Variants in IL1RAPL2 observed in about 807,000 individuals in gnomAD.
IL1RAPL2 encodes the protein interleukin 1 receptor accessory protein like 2.
IL1RAPL2 carries 3 observed loss-of-function variants against 44.1 expected under a neutral mutation model. The observed-to-expected ratio is 0.07, with a 90% CI of 0.03 to 0.18. The LOEUF is 0.18. IL1RAPL2 is among the 10% of genes least tolerant of loss of function. The pLI, the probability that IL1RAPL2 is intolerant of heterozygous loss-of-function variation, is 1.00. For synonymous variants in IL1RAPL2, 181 were observed against 178.8 expected (o/e 1.01, Z -0.10); for missense variants, 391 against 496.4 (o/e 0.79, Z 2.02).
intron 2 of IL1RAPL2, among the ~76,000 whole-genome samples, chrX:105,004,431 C>CA (rs972160983): frequency 2.7e-5 from 3 of 109,275 alleles, no homozygotes; most frequent in South Asian, 3.9e-4. Context: ...ACTTCTTTTT[C>CA]AAAAAAAATT....
At chrX:105,335,081 A>G (rs1174319010) in intron 5 of IL1RAPL2, among the ~76,000 whole-genome samples, 1 of 111,159 alleles carries the variant, frequency 9.0e-6, no homozygotes, top group African/African-American at 3.3e-5. Context: ...GTGACTGCTC[A>G]GGCTTCCCTT....
intron 6 of IL1RAPL2, among the ~76,000 whole-genome samples, chrX:105,688,395 T>A (rs950233165): frequency 2.7e-5 from 3 of 111,879 alleles, no homozygotes; most frequent in Non-Finnish European, 5.6e-5. Flanking sequence ...AAAATCAATG[T>A]GCAAAAATCA....
intron 5 of IL1RAPL2, among the ~76,000 whole-genome samples, chrX:105,345,168 ATAATC>A (rs2035101015): frequency 8.9e-6 from 1 of 112,013 alleles, no homozygotes; most frequent in African/African-American, 3.2e-5. Context: ...ATTCTGGAGA[ATAATC>A]TATAAATTCT....
At chrX:105,391,887 T>A (rs1188826977) in intron 5 of IL1RAPL2, among the ~76,000 whole-genome samples, 1 of 86,379 alleles carries the variant, frequency 1.2e-5, no homozygotes, top group African/African-American at 4.4e-5. Flanking sequence ...CAGTAAACTA[T>A]CGCAAGAACA....
intron 2 of IL1RAPL2, among the ~76,000 whole-genome samples, chrX:104,991,244 G>A (rs1020409961): frequency 3.6e-5 from 4 of 111,405 alleles, no homozygotes; most frequent in Admixed American, 9.6e-5. Context: ...GTACATTTAA[G>A]TTATTAAGTA....
At chrX:104,974,831 CT>C (rs1191598113) in intron 2 of IL1RAPL2, among the ~76,000 whole-genome samples, 1 of 112,176 alleles carries the variant, frequency 8.9e-6, no homozygotes, top group African/African-American at 3.2e-5. Context: ...AAGGTTAGCT[CT>C]GGACACAATA....
intron 6 of IL1RAPL2, among the ~76,000 whole-genome samples, chrX:105,690,425 A>G (rs1002143796): frequency 1.8e-5 from 2 of 111,215 alleles, no homozygotes; most frequent in African/African-American, 3.3e-5. Context: ...AGTAGATGCA[A>G]TATTAGCTTA....
intron 5 of IL1RAPL2, among the ~76,000 whole-genome samples, chrX:105,355,459 A>G (rs1282339796): frequency 3.6e-5 from 4 of 111,092 alleles, no homozygotes; most frequent in African/African-American, 9.8e-5. Context: ...TTAAGGCTCT[A>G]AGTTTCAGTT....
intron 2 of IL1RAPL2, among the ~76,000 whole-genome samples, chrX:105,119,687 C>T (rs756836130): frequency 1.8e-5 from 2 of 111,576 alleles, no homozygotes; most frequent in African/African-American, 6.5e-5. Flanking sequence ...AATTGATTCA[C>T]TCCCAGCATG....
At chrX:104,785,342 T>C (rs1932793084) in intron 2 of IL1RAPL2, among the ~76,000 whole-genome samples, 1 of 111,802 alleles carries the variant, frequency 8.9e-6, no homozygotes, top group Non-Finnish European at 1.9e-5. Flanking sequence ...AAGTGTTAAG[T>C]ATTTTAGACT....
intron 5 of IL1RAPL2, among the ~76,000 whole-genome samples, chrX:105,299,823 G>A (rs1028517426): frequency 8.9e-5 from 10 of 111,776 alleles, no homozygotes; most frequent in African/African-American, 9.8e-5. Flanking sequence ...TGTTTGGAAC[G>A]CGGCATGCAA....
chrX:105,135,304 A>T (rs1331288216), intron 2 of IL1RAPL2, among the ~76,000 whole-genome samples: 1 of 111,498 alleles, frequency 9.0e-6, no homozygotes, highest in Non-Finnish European at 1.9e-5. Flanking sequence ...TGGTGTGTTT[A>T]TAAGATTCTC....
At chrX:105,536,425 T>A (rs867275980) in intron 6 of IL1RAPL2, among the ~76,000 whole-genome samples, 1 of 92,118 alleles carries the variant, frequency 1.1e-5, no homozygotes, top group Non-Finnish European at 2.2e-5. Context: ...TTTTATATGG[T>A]AAAAAAAAAA....
chrX:105,555,472 G>A (rs1003086872), intron 6 of IL1RAPL2, among the ~76,000 whole-genome samples: 1 of 111,963 alleles, frequency 8.9e-6, no homozygotes, highest in African/African-American at 3.2e-5. Flanking sequence ...TGGTTATGGT[G>A]AGAGTCCAGT....
chrX:105,394,557 T>C (rs746548902), intron 5 of IL1RAPL2, among the ~76,000 whole-genome samples: 1 of 111,116 alleles, frequency 9.0e-6, no homozygotes, highest in South Asian at 3.8e-4. Flanking sequence ...CTTTCTCTTC[T>C]TCTAACCTAT....
At chrX:104,994,126 T>C (rs1314437211) in intron 2 of IL1RAPL2, among the ~76,000 whole-genome samples, 2 of 111,817 alleles carry the variant, frequency 1.8e-5, no homozygotes, top group East Asian at 2.8e-4. Flanking sequence ...TAGCCCCAAA[T>C]TGGAAACAAT....
At chrX:105,743,656 T>TC (rs771929512) in intron 8 of IL1RAPL2, among the ~76,000 whole-genome samples, 315 of 111,525 alleles carry the variant, frequency 2.8e-3, no homozygotes, top group Admixed American at 5.8e-3. Context: ...CTTGTTTTCT[T>TC]CCCCCCCACT....
chrX:105,075,063 A>C (rs1457923003), intron 2 of IL1RAPL2, among the ~76,000 whole-genome samples: 5 of 111,233 alleles, frequency 4.5e-5, no homozygotes, highest in Non-Finnish European at 9.4e-5. Context: ...CCCTGGCCAG[A>C]CCTTCCAACA....
intron 5 of IL1RAPL2, among the ~76,000 whole-genome samples, chrX:105,463,569 CCCACA>C (rs2036107973): frequency 1.2e-4 from 3 of 24,461 alleles, no homozygotes; most frequent in African/African-American, 3.9e-4. Context: ...CTCTCTCTCT[CCCACA>C]CACACACACA....
Sources: gnomAD v4.1 joint callset for allele counts (sites outside exome capture counted in the v4.1 genomes callset) on GRCh38, gnomAD v4.1.1 for gene constraint, MANE v1.5 for transcripts, NCBI Gene and HGNC (gene_info 2026-07-23, HGNC 2026-07-21) for gene names.